CCDC120: variants seen among roughly 807,000 people sequenced by gnomAD.
The protein encoded by CCDC120 is coiled-coil domain-containing protein 120.
Under a neutral mutation model 37.6 loss-of-function variants are expected in CCDC120, and 16 were observed. That is an observed-to-expected ratio of 0.43 (90% confidence interval 0.29 to 0.65). CCDC120 has a LOEUF of 0.65. Among genes scored for constraint, CCDC120 ranks in the 30% least tolerant of loss-of-function variants. The pLI, the probability that CCDC120 is intolerant of heterozygous loss-of-function variation, is 0.18. For missense variants in CCDC120, 650 were observed against 657.4 expected, an observed-to-expected ratio of 0.99 and a Z score of 0.12; for synonymous variants, 309 against 275.4, an observed-to-expected ratio of 1.12 and a Z score of -1.21.
rs782537941 is a variant in CCDC120 at position 49,059,086 on chromosome X, T to C, written c.-93T>C. ...TATCTGAGGCTACCCCACAGCACTC[T>C]CTGGCATTGGTGAGCACCTGGGAGC... On this transcript the variant is annotated 5_prime_UTR_variant, in exon 1 of 11. Transcript: ENST00000603986. 1.8e-5 allele frequency: 2 copies of C among 112,353 alleles called. No homozygotes were observed. Among genetic ancestry groups the C allele is most frequent in the Admixed American group, 1.9e-4 (2 of 10,625 alleles). The allele number at this position is 112,353 out of a possible 1,213,427, so 9.3% of individuals were successfully genotyped here. A position where few individuals can be genotyped will look rare whatever the true frequency, so the allele number is the denominator to read the frequency against.
Position 49,064,432 on chromosome X carries a change from C to T in CCDC120, c.492C>T (p.Ala164=). ...TGCAACAGCAGATCGCGGCGGCCGC[C>T]CGCCGCCTGGCCTTGGCCCCTGATC... is the stretch of plus-strand genomic sequence containing the variant. ...VSVQQQIAAA[A]RRLALAPDLS... Residue 164 remains alanine, a synonymous_variant, in exon 6 of 11, where the codon GCC becomes GCT. Coordinates refer to ENST00000603986, the MANE Select transcript of CCDC120 (RefSeq NM_001163321.4). 1 of 1,176,561 alleles carries T rather than the reference C, an allele frequency of 8.5e-7. No homozygotes were observed. Among genetic ancestry groups the T allele is most frequent in the South Asian group, 1.9e-5 (1 of 53,396 alleles).
intron 1 of CCDC120, among the ~76,000 whole-genome samples, chrX:49,061,594 T>A (rs2064886689): frequency 1.8e-5 from 2 of 112,508 alleles, no homozygotes; most frequent in African/African-American, 3.2e-5. Flanking sequence ...ATAAGTGTGA[T>A]GCAGGGGCTG....
In CCDC120 at chrX:49,064,681, G is replaced by A. The variant is rs1557080605; in HGVS notation, c.724+17G>A. 8.7e-7 allele frequency: 1 copy of A among 1,154,944 alleles called. No individual in the cohort carries two copies. The stretch of plus-strand genomic sequence containing the variant: ...TCAGCCAAGGTGAGCATCCCCTGGT[G>A]AGGGTGGGAGAGTGGACACTGGCAA... On this transcript the variant is annotated intron_variant, in intron 6 of 10. Coordinates refer to ENST00000603986, the MANE Select transcript of CCDC120 (RefSeq NM_001163321.4).
Position 49,067,462 on chromosome X carries a change from C to T in CCDC120, c.1348C>T (p.Pro450Ser). The T allele has an allele frequency of 8.5e-7, 1 of 1,181,443 alleles. No homozygotes were observed. The highest frequency in any genetic ancestry group is 3.0e-5 in the East Asian group (1 of 33,284). Residue 450 changes from proline (P) to serine (S), a missense_variant, in exon 10 of 11, where the codon CCA becomes TCA. Pro to Ser is a moderately conservative substitution (Grantham distance 74). Coordinates refer to ENST00000603986, the MANE Select transcript of CCDC120 (RefSeq NM_001163321.4). ...CTTCTCCTCCCGCACAGCAGGCCCC[C>T]CAGACCCTCCCCGGGCCGCCCGGCC... ...PAFSSRTAGP[P>S]DPPRAARPSS...
In CCDC120 at chrX:49,064,603, G is replaced by A. The variant is rs1557080559; in HGVS notation, c.663G>A (p.Thr221=). 4 of 1,193,730 alleles carry A rather than the reference G, an allele frequency of 3.4e-6. No homozygotes were observed. Among genetic ancestry groups the A allele is most frequent in the Non-Finnish European group, 3.4e-6 (3 of 886,112 alleles). ...TGCCCCAGCCACTGCCACTGTCCAC[G>A]GGGTCAGTGATCACCACCCAGGGAG... is the stretch of plus-strand genomic sequence containing the variant. ...LPLPQPLPLS[T]GSVITTQGVC... is the part of the protein sequence containing the mutation. Residue 221 remains threonine (T), a synonymous_variant, in exon 6 of 11, where the codon ACG becomes ACA. Coordinates refer to ENST00000603986, the MANE Select transcript of CCDC120 (RefSeq NM_001163321.4).
At chrX:49,059,456 T>A in intron 1 of CCDC120, 2 of 512,132 alleles carry the variant, frequency 3.9e-6, no homozygotes, top group Non-Finnish European at 4.8e-6. Context: ...AGGGCCCAGC[T>A]CTCCAAGAAA....
chrX:49,064,966 C>G, intron 6 of CCDC120, 70 bp from the exon 7 acceptor site: 1 of 1,089,376 alleles, frequency 9.2e-7, no homozygotes, highest in Admixed American at 2.3e-5. Flanking sequence ...GAGGTGCCCA[C>G]CCAGTGGTGT....
upstream of CCDC120, among the ~76,000 whole-genome samples, chrX:49,055,731 C>T (rs782396265): frequency 3.6e-5 from 4 of 111,713 alleles, no homozygotes; most frequent in Non-Finnish European, 5.6e-5. Flanking sequence ...CTCATAGAGA[C>T]TAGTGAGTTT....
intron 1 of CCDC120, among the ~76,000 whole-genome samples, chrX:49,061,464 C>G (rs2064885165): frequency 8.9e-6 from 1 of 112,830 alleles, no homozygotes; most frequent in South Asian, 3.6e-4. Flanking sequence ...GGTGATGCTG[C>G]TGAAAATGGG....
rs782611311 is a variant in CCDC120, at chrX:49,064,638, G to T, written c.698G>T (p.Gly233Val). ...ATCACCACCCAGGGAGTCTGCCTGGGCATGCGTCTTGCTCAGCTCAGCCAA... is the reference window on the plus strand; with the variant it reads ...ATCACCACCCAGGGAGTCTGCCTGGTCATGCGTCTTGCTCAGCTCAGCCAA... ...SVITTQGVCL[G>V]MRLAQLSQED... Residue 233 changes from glycine (G) to valine (V), a missense_variant, in exon 6 of 11, where the codon GGC becomes GTC. Gly to Val is a moderately radical substitution (Grantham distance 109, BLOSUM62 -3). Around this residue, in one of 3 missense-constraint regions of CCDC120, gnomAD observed 576 missense variants for 565.3 expected, o/e 1.02. Coordinates refer to ENST00000603986, the MANE Select transcript of CCDC120 (RefSeq NM_001163321.4). 5.0e-6 allele frequency: 6 copies of T among 1,192,943 alleles called. No homozygotes were observed. The South Asian group carries it at 7.4e-5, about 15-fold the overall frequency.
Position 49,067,279 on chromosome X carries a change from C to G in CCDC120, c.1165C>G (p.Arg389Gly). Residue 389 changes from arginine (R) to glycine (G), a missense_variant, in exon 10 of 11, where the codon CGC becomes GGC. Physicochemically the swap from Arg to Gly is moderately radical, Grantham distance 125. This residue lies in a region of CCDC120 where 576 missense variants were observed against 565.3 expected (regional missense o/e 1.02). Transcript: ENST00000603986. ...CGATCGCGCCTCCCTCTTCGTAGCT[C>G]GCACCCGCCGCAGCAACAGTTCTGA... ...ASDRASLFVA[R>G]TRRSNSSEAL... 8.3e-7 allele frequency: 1 copy of G among 1,205,350 alleles called. No individual in the cohort carries two copies. Among genetic ancestry groups the G allele is most frequent in the Non-Finnish European group, 1.1e-6 (1 of 891,684 alleles).
rs1325366457 is a variant in CCDC120, at chrX:49,068,954, ACTGT to A, written c.*299_*302del. 2 of 211,479 alleles carry A rather than the reference ACTGT, an allele frequency of 9.5e-6. No homozygotes were observed. The highest frequency in any genetic ancestry group is 1.7e-5 in the Non-Finnish European group (2 of 116,628). The allele number at this position is 211,479 out of a possible 1,213,427, so 17.4% of individuals were successfully genotyped here. On this transcript the variant is annotated 3_prime_UTR_variant, in exon 11 of 11. Coordinates refer to ENST00000603986, the MANE Select transcript of CCDC120 (RefSeq NM_001163321.4). ...GTTTACAGTTGTGACTTAGGTATTCACTGTCTTCCTCCAACACTAGGCGTTTTAC... is the reference window on the plus strand; with the variant it reads ...GTTTACAGTTGTGACTTAGGTATTCACTTCCTCCAACACTAGGCGTTTTAC...
upstream of CCDC120, among the ~76,000 whole-genome samples, chrX:49,057,916 G>A (rs1455727671): frequency 5.4e-5 from 6 of 111,486 alleles, no homozygotes; most frequent in South Asian, 1.1e-3. Flanking sequence ...ACAGTACGTC[G>A]TAAGGACTCA....
At position 49,068,888 on chromosome X, in the gene CCDC120, GGAT is replaced by G. The variant is rs2064990797; in HGVS notation, c.*235_*237del. 2 of 285,924 alleles carry G rather than the reference GGAT, an allele frequency of 7.0e-6. No homozygotes were observed. The highest frequency in any genetic ancestry group is 6.1e-6 in the Non-Finnish European group (1 of 164,665). The allele number at this position is 285,924 out of a possible 1,213,427, so 23.6% of individuals were successfully genotyped here. ...GCCCTCAGCTAGCTTAAAAGAGGGG[GGAT>G]GATGTCATGGGGACCCCAAGCCCCT... On this transcript the variant is annotated 3_prime_UTR_variant, in exon 11 of 11. Transcript: ENST00000603986.
In CCDC120 at chrX:49,066,217, G is replaced by A. The variant is rs782275295; in HGVS notation, c.1061+372G>A. The stretch of plus-strand genomic sequence containing the variant: ...GCACTCCAGCCTGGGCGACAAGAGC[G>A]AAACTCCGTCTCAAAACAAACAAAA... On this transcript the variant is annotated intron_variant, in intron 9 of 10. Transcript: ENST00000603986. 1.5e-4 allele frequency among the ~76,000 whole-genome samples: 17 copies of A among 110,518 alleles called. 1 individual carries two copies. The highest frequency in any genetic ancestry group is 1.2e-3 in the Admixed American group (12 of 10,397).
chrX:49,064,450 C>G lies in CCDC120; in HGVS notation c.510C>G (p.Ala170=), dbSNP rs2064927273. Residue 170 remains alanine (A), a synonymous_variant, in exon 6 of 11, where the codon GCC becomes GCG. Coordinates refer to ENST00000603986, the MANE Select transcript of CCDC120 (RefSeq NM_001163321.4). Reference sequence around the variant, plus strand: ...CGGCCGCCCGCCGCCTGGCCTTGGCCCCTGATCTGAGCACCGAGCAGCGCC... The same window carrying G: ...CGGCCGCCCGCCGCCTGGCCTTGGCGCCTGATCTGAGCACCGAGCAGCGCC... ...IAAAARRLAL[A]PDLSTEQRRR... 1.7e-6 allele frequency: 2 copies of G among 1,178,944 alleles called. No homozygotes were observed. The highest frequency in any genetic ancestry group is 2.4e-5 in the Admixed American group (1 of 41,190).
In CCDC120 at chrX:49,068,070, G is replaced by A. The variant is rs1242098458; in HGVS notation, c.1956G>A (p.Thr652=). 4.0e-5 allele frequency: 47 copies of A among 1,165,361 alleles called. No homozygotes were observed. The highest frequency in any genetic ancestry group is 5.2e-5 in the Admixed American group (2 of 38,526). The change falls in exon 10 of 11, where the codon ACG becomes ACA. Residue 652 remains threonine, a synonymous_variant. Coordinates refer to ENST00000603986, the MANE Select transcript of CCDC120 (RefSeq NM_001163321.4). ...QAPLPHSRSF[T]APPVSGRYYA... Reference sequence around the variant, plus strand: ...CACTCCCACACTCGAGGAGTTTCACGGCGCCCCCTGTCTCTGGCAGGTATG... The same window carrying A: ...CACTCCCACACTCGAGGAGTTTCACAGCGCCCCCTGTCTCTGGCAGGTATG...
At position 49,066,116 on chromosome X, in the gene CCDC120, C is replaced by G. The variant is rs184842270; in HGVS notation, c.1061+271C>G. On this transcript the variant is annotated intron_variant, in intron 9 of 10. Transcript: ENST00000603986. ...GGCATGCCTGTAATCCCAGCTACTTCGGAGGCTGAGGCAGGAGAATCGCTT... is the reference window on the plus strand; with the variant it reads ...GGCATGCCTGTAATCCCAGCTACTTGGGAGGCTGAGGCAGGAGAATCGCTT... 7.1e-3 allele frequency among the ~76,000 whole-genome samples: 789 copies of G among 111,353 alleles called. 9 individuals are homozygous for G. Among genetic ancestry groups the G allele is most frequent in the African/African-American group, 0.025 (762 of 30,641 alleles).
rs1484832617 is a variant in CCDC120, at chrX:49,068,288, G to A, written c.1976+198G>A. On this transcript the variant is annotated intron_variant, in intron 10 of 10. Coordinates refer to ENST00000603986, the MANE Select transcript of CCDC120 (RefSeq NM_001163321.4). ...CCTGGTGGAGGGGATCTTGGGCACT[G>A]GTAGCAGCAATTCTTTATCAAGTTA... The A allele has an allele frequency of 7.4e-6, 8 of 1,079,487 alleles. No individual in the cohort carries two copies. The South Asian group carries it at 1.5e-4, about 20-fold the overall frequency. 89.0% of individuals were successfully genotyped at this position (1,079,487 alleles called of 1,213,427 possible).
Sources: gnomAD v4.1 joint callset for allele counts (sites outside exome capture counted in the v4.1 genomes callset) on GRCh38, gnomAD v4.1.1 for gene constraint, gnomAD v4.1.1 regional missense constraint, MANE v1.5 for transcripts, NCBI Gene and HGNC (gene_info 2026-07-23, HGNC 2026-07-21) for gene names.